Variants in ANKFN1 observed in about 807,000 individuals in gnomAD.
ANKFN1 encodes the protein ankyrin repeat and fibronectin type-III domain-containing protein 1.
A neutral mutation model predicts 108.7 loss-of-function variants in ANKFN1; 74 were observed. The observed-to-expected ratio is 0.68, with a 90% CI of 0.56 to 0.83. The LOEUF (loss-of-function observed/expected upper bound fraction) is 0.83. ANKFN1 is among the 40% of genes least tolerant of loss of function. The pLI, the probability that ANKFN1 is intolerant of heterozygous loss-of-function variation, is 0.00. For synonymous variants in ANKFN1, 547 were observed against 516.2 expected (o/e 1.06, Z -0.81); for missense variants, 1,505 against 1,382.3 (o/e 1.09, Z -1.41).
chr17:56,511,008 T>G lies in ANKFN1; in HGVS notation c.3180T>G (p.Asp1060Glu). The change falls in exon 21 of 21, where the codon GAT becomes GAG. Residue 1060 changes from aspartate (D) to glutamate (E), a missense_variant. Coordinates refer to ENST00000682825, the MANE Select transcript of ANKFN1 (RefSeq NM_001370326.1). ...AGCGGGCCGGCCCTGCCCTTGATGA[T>G]CCCAGGGGCCTAACTCTGGCCCACG... ...EAKRAGPALD[D>E]PRGLTLAHAA... 1 of 1,535,962 alleles carries G rather than the reference T, an allele frequency of 6.5e-7. No individual in the cohort carries two copies. Among genetic ancestry groups the G allele is most frequent in the East Asian group, 2.4e-5 (1 of 40,910 alleles).
intron 2 of ANKFN1, among the ~76,000 whole-genome samples, chr17:56,226,440 A>G (rs1214114373): frequency 6.6e-6 from 1 of 152,158 alleles, no homozygotes; most frequent in Non-Finnish European, 1.5e-5. Flanking sequence ...CAGATAGTAA[A>G]TGAGGAATTA....
intron 6 of ANKFN1, among the ~76,000 whole-genome samples, chr17:56,371,098 T>C (rs2046800506): frequency 6.6e-6 from 1 of 152,142 alleles, no homozygotes; most frequent in African/African-American, 2.4e-5. Context: ...TTTTTAGCTT[T>C]ATATTTATTT....
intron 18 of ANKFN1, 138 bp from the exon 19 acceptor site, chr17:56,492,049 A>G (rs551317244): frequency 2.2e-4 from 132 of 590,316 alleles, no homozygotes; most frequent in Middle Eastern, 4.3e-4. Context: ...CACATTTATA[A>G]TTTATTTATG....
chr17:56,243,985 C>T (rs1419362059), intron 3 of ANKFN1, among the ~76,000 whole-genome samples: 10 of 152,028 alleles, frequency 6.6e-5, no homozygotes, highest in Admixed American at 5.9e-4. Context: ...AGTTTAGCCA[C>T]AGACCCTCAG....
intron 3 of ANKFN1, among the ~76,000 whole-genome samples, chr17:56,300,331 G>A (rs2044637537): frequency 6.6e-6 from 1 of 152,150 alleles, no homozygotes; most frequent in Admixed American, 6.5e-5. Context: ...CTGCTTTTTG[G>A]GTTTGTCAAG....
At chr17:56,222,184 C>G (rs1339774012) in intron 2 of ANKFN1, among the ~76,000 whole-genome samples, 2 of 152,110 alleles carry the variant, frequency 1.3e-5, no homozygotes, top group African/African-American at 2.4e-5. Context: ...AAGAGACTTG[C>G]CACGCTCTGC....
At chr17:56,274,447 T>C (rs183301852) in intron 3 of ANKFN1, among the ~76,000 whole-genome samples, 9 of 152,218 alleles carry the variant, frequency 5.9e-5, no homozygotes, top group Admixed American at 5.9e-4. Context: ...CACTCCAGCC[T>C]GGGCGACAGC....
Position 56,514,364 on chromosome 17 carries a change from C to T in ANKFN1, c.*3095C>T, listed in dbSNP as rs568531557. Among the ~76,000 whole-genome samples the T allele has an allele frequency of 2.6e-5, 4 of 152,304 alleles. No homozygotes were observed. The South Asian group carries it at 8.3e-4, about 32-fold the overall frequency. The stretch of plus-strand genomic sequence containing the variant: ...GCCATACATTCACCATACATCTTCT[C>T]AACAATCTCTTAGAAGAGGCAGGAG... On this transcript the variant is annotated 3_prime_UTR_variant, in exon 21 of 21. Coordinates refer to ENST00000682825, the MANE Select transcript of ANKFN1 (RefSeq NM_001370326.1).
chr17:56,393,689 T>C (rs1052307580), intron 8 of ANKFN1, among the ~76,000 whole-genome samples: 1 of 152,252 alleles, frequency 6.6e-6, no homozygotes, highest in East Asian at 1.9e-4. Flanking sequence ...ACAGTGAAGA[T>C]GTGCTATACG....
At chr17:56,050,258 A>G (rs1023705409) in intron 4 of ANKFN1, among the ~76,000 whole-genome samples, 34 of 149,012 alleles carry the variant, frequency 2.3e-4, no homozygotes, top group Non-Finnish European at 4.6e-4. Context: ...TTTCTTGTAA[A>G]TTTGTTGGAG....
At chr17:56,370,882 T>C (rs1301591024) in intron 6 of ANKFN1, among the ~76,000 whole-genome samples, 5 of 152,018 alleles carry the variant, frequency 3.3e-5, no homozygotes, top group African/African-American at 1.2e-4. Context: ...CTCCAGGAAA[T>C]TGCACCTTGA....
chr17:56,193,965 G>C (rs964036234), intron 1 of ANKFN1, among the ~76,000 whole-genome samples: 2 of 152,194 alleles, frequency 1.3e-5, no homozygotes, highest in Non-Finnish European at 2.9e-5. Context: ...ATGAGGCAAA[G>C]ATCTTAACAG....
At chr17:56,144,157 A>AG (rs1908101422) in intron 4 of ANKFN1, among the ~76,000 whole-genome samples, 1 of 43,860 alleles carries the variant, frequency 2.3e-5, no homozygotes, top group Non-Finnish European at 3.8e-5. Flanking sequence ...GGCGCATCTG[A>AG]AAAAAAAAAA....
chr17:56,381,516 G>A (rs1398475898), intron 8 of ANKFN1, among the ~76,000 whole-genome samples: 1 of 152,088 alleles, frequency 6.6e-6, no homozygotes, highest in Non-Finnish European at 1.5e-5. Flanking sequence ...CAAACCAAAG[G>A]CAAACAAGTT....
At chr17:56,298,498 A>G (rs1029849300) in intron 3 of ANKFN1, among the ~76,000 whole-genome samples, 1 of 152,176 alleles carries the variant, frequency 6.6e-6, no homozygotes, top group African/African-American at 2.4e-5. Flanking sequence ...CTTACAAATC[A>G]ACTTCCCTGT....
At chr17:56,082,273 TG>T (rs1905255656) in intron 4 of ANKFN1, among the ~76,000 whole-genome samples, 1 of 138,562 alleles carries the variant, frequency 7.2e-6, no homozygotes. Context: ...TTGTTGTTGT[TG>T]TTGTTTTGTT....
At chr17:56,194,923 A>G (rs1913363230) in intron 1 of ANKFN1, among the ~76,000 whole-genome samples, 1 of 152,190 alleles carries the variant, frequency 6.6e-6, no homozygotes, top group African/African-American at 2.4e-5. Context: ...AAACAACAAT[A>G]TAGATGAGCC....
intron 11 of ANKFN1, among the ~76,000 whole-genome samples, chr17:56,451,272 A>G (rs974872355): frequency 1.3e-5 from 2 of 152,162 alleles, no homozygotes; most frequent in East Asian, 1.9e-4. Context: ...GCCATGTACA[A>G]CTTTTTCACA....
chr17:56,153,553 T>C, intron 1 of ANKFN1, 23 bp downstream of exon 1: 2 of 1,613,362 alleles, frequency 1.2e-6, no homozygotes. Context: ...TAGTTCTAAA[T>C]ATCGGTAATT....
Sources: gnomAD v4.1 joint callset for allele counts (sites outside exome capture counted in the v4.1 genomes callset) on GRCh38, gnomAD v4.1.1 for gene constraint, MANE v1.5 for transcripts, NCBI Gene and HGNC (gene_info 2026-07-23, HGNC 2026-07-21) for gene names.